RBMS3: variants seen among roughly 807,000 people sequenced by gnomAD.
RBMS3 encodes RNA binding motif single stranded interacting protein 3.
In RBMS3, 27 loss-of-function variants were observed where a neutral mutation model predicts 66.8. The observed-to-expected ratio is 0.40, with a 90% CI of 0.30 to 0.56. RBMS3 has a LOEUF of 0.56. Ranked by LOEUF, RBMS3 falls within the 20% of genes least tolerant of loss-of-function variation. The probability of loss-of-function intolerance (pLI) is 0.40; values close to 1 mark genes in which losing one functional copy is unlikely to be tolerated. For synonymous variants in RBMS3, 188 were observed against 183.0 expected, an observed-to-expected ratio of 1.03 and a Z score of -0.22; for missense variants, 513 against 549.5, an observed-to-expected ratio of 0.93 and a Z score of 0.66.
At chr3:29,604,339 A>G (rs1576342480) in intron 4 of RBMS3, among the ~76,000 whole-genome samples, 1 of 151,938 alleles carries the variant, frequency 6.6e-6, no homozygotes, top group Non-Finnish European at 1.5e-5. Context: ...ATGTCATACT[A>G]ACATTTGTAG....
chr3:29,418,739 T>TA (rs1405483934), intron 1 of RBMS3, among the ~76,000 whole-genome samples: 2 of 152,112 alleles, frequency 1.3e-5, no homozygotes, highest in African/African-American at 4.8e-5. Context: ...ATTCCTTTGC[T>TA]AAAAAAAGTC....
At chr3:29,308,756 C>CA (rs6147747) in intron 1 of RBMS3, among the ~76,000 whole-genome samples, 41 of 125,110 alleles carry the variant, frequency 3.3e-4, no homozygotes, top group East Asian at 2.4e-3. Flanking sequence ...CAAAAAAAAA[C>CA]AAAAAAAAAA....
chr3:29,492,800 TG>T (rs2043599264), intron 3 of RBMS3, among the ~76,000 whole-genome samples: 1 of 152,178 alleles, frequency 6.6e-6, no homozygotes, highest in African/African-American at 2.4e-5. Context: ...TAGGTAGTGA[TG>T]GGAAACATGC....
chr3:29,609,887 T>C (rs2048437419), intron 4 of RBMS3, among the ~76,000 whole-genome samples: 1 of 152,048 alleles, frequency 6.6e-6, no homozygotes, highest in South Asian at 2.1e-4. Flanking sequence ...AAACAGATTA[T>C]TATTGAACCC....
At chr3:29,985,495 C>T (rs1041150153) in intron 12 of RBMS3, among the ~76,000 whole-genome samples, 1 of 152,146 alleles carries the variant, frequency 6.6e-6, no homozygotes, top group African/African-American at 2.4e-5. Context: ...CCAAGAGAAT[C>T]TCCTGTTTTG....
At chr3:29,847,771 T>C (rs1247563117) in intron 6 of RBMS3, among the ~76,000 whole-genome samples, 1 of 152,100 alleles carries the variant, frequency 6.6e-6, no homozygotes, top group Admixed American at 6.5e-5. Context: ...TTCTCCTGCC[T>C]CAGCCTCCCA....
chr3:29,633,919 CT>C (rs910133760), intron 4 of RBMS3, among the ~76,000 whole-genome samples: 4 of 151,964 alleles, frequency 2.6e-5, no homozygotes, highest in African/African-American at 9.6e-5. Context: ...ATAATCTCAT[CT>C]TTTTTTCTAA....
chr3:29,747,386 GTAGGTAGATAGATAGATAGATAGATAGA>G (rs1348386600), intron 5 of RBMS3, among the ~76,000 whole-genome samples: 14 of 140,450 alleles, frequency 1.0e-4, no homozygotes, highest in African/African-American at 3.4e-4. Context: ...AGGTAGGTAG[GTAGGTAGATAGATAGATAGATAGATAGA>G]TAGATAGATA....
At chr3:29,930,809 G>A (rs1170949969) in intron 10 of RBMS3, among the ~76,000 whole-genome samples, 1 of 151,898 alleles carries the variant, frequency 6.6e-6, no homozygotes, top group Non-Finnish European at 1.5e-5. Context: ...TCATCTTTAA[G>A]GGGATGGTGG....
rs367779538 is a variant in RBMS3 at position 29,743,973 on chromosome 3, C to A, written c.557+4096C>A. Among the ~76,000 whole-genome samples, 45 of 145,256 alleles carry A rather than the reference C, an allele frequency of 3.1e-4. No homozygotes were observed. The South Asian group carries it at 9.5e-3, about 31-fold the overall frequency. On this transcript the variant is annotated intron_variant, in intron 5 of 14. Transcript: ENST00000383767. ...ATGTGTTCTCATTGTTCAATTCCCA[C>A]CAATGAGTGAGAACATGCGGTGTTT... is the stretch of plus-strand genomic sequence containing the variant.
chr3:29,583,309 A>G (rs2047396504), intron 3 of RBMS3, among the ~76,000 whole-genome samples: 1 of 152,058 alleles, frequency 6.6e-6, no homozygotes, highest in Non-Finnish European at 1.5e-5. Context: ...ACGCTAGACT[A>G]AAGGGTGGGA....
intron 1 of RBMS3, among the ~76,000 whole-genome samples, chr3:29,317,613 C>G (rs1194793447): frequency 6.6e-6 from 1 of 151,458 alleles, no homozygotes. Context: ...AAAGGAAACG[C>G]TCTGTAAATA....
chr3:29,334,537 T>C (rs1485684811), intron 1 of RBMS3, among the ~76,000 whole-genome samples: 1 of 152,136 alleles, frequency 6.6e-6, no homozygotes, highest in East Asian at 1.9e-4. Context: ...AGGCAGCAGA[T>C]GATAAATCAA....
At chr3:29,602,418 C>T (rs1042906813) in intron 4 of RBMS3, among the ~76,000 whole-genome samples, 1 of 151,994 alleles carries the variant, frequency 6.6e-6, no homozygotes, top group Non-Finnish European at 1.5e-5. Flanking sequence ...ATGGTAAATG[C>T]TCCAATCCCA....
chr3:29,774,603 C>T (rs1024386282), intron 6 of RBMS3, among the ~76,000 whole-genome samples: 3 of 151,926 alleles, frequency 2.0e-5, no homozygotes, highest in Admixed American at 1.3e-4. Context: ...GCTGGAGGTT[C>T]CTAAGATCCT....
chr3:29,609,029 G>C (rs1181411174), intron 4 of RBMS3, among the ~76,000 whole-genome samples: 1 of 151,968 alleles, frequency 6.6e-6, no homozygotes, highest in African/African-American at 2.4e-5. Flanking sequence ...TCTGAATGTT[G>C]TAGAACTAGT....
Position 29,532,332 on chromosome 3 carries a change from G to A in RBMS3, c.307+43833G>A, listed in dbSNP as rs181820517. Reference sequence around the variant, plus strand: ...TTCATGGTGCTTTTTAAGTTGGTACGTCCTAAGACAAGAGTCCCTTGGACT... The same window carrying A: ...TTCATGGTGCTTTTTAAGTTGGTACATCCTAAGACAAGAGTCCCTTGGACT... On this transcript the variant is annotated intron_variant, in intron 3 of 14. Transcript: ENST00000383767. Among the ~76,000 whole-genome samples, 279 of 145,892 alleles carry A rather than the reference G, an allele frequency of 1.9e-3. 2 individuals carry two copies. The highest frequency in any genetic ancestry group is 6.1e-3 in the African/African-American group (241 of 39,320).
chr3:29,792,688 A>T (rs2057052288), intron 6 of RBMS3, among the ~76,000 whole-genome samples: 1 of 152,212 alleles, frequency 6.6e-6, no homozygotes, highest in Admixed American at 6.5e-5. Flanking sequence ...ACAGGAAAAG[A>T]GGGAGCAAAA....
chr3:29,952,833 G>A (rs1695773599), intron 12 of RBMS3, among the ~76,000 whole-genome samples: 1 of 151,778 alleles, frequency 6.6e-6, no homozygotes, highest in South Asian at 2.1e-4. Flanking sequence ...TTGCCCAAGA[G>A]ACTCAGATAC....
Sources: gnomAD v4.1 joint callset for allele counts (sites outside exome capture counted in the v4.1 genomes callset) on GRCh38, gnomAD v4.1.1 for gene constraint, MANE v1.5 for transcripts, NCBI Gene and HGNC (gene_info 2026-07-23, HGNC 2026-07-21) for gene names.